DCAF17: variants seen among roughly 807,000 people sequenced by gnomAD.
DCAF17 encodes DDB1- and CUL4-associated factor 17.
Under a neutral mutation model 66.0 loss-of-function variants are expected in DCAF17, and 48 were observed. The observed-to-expected ratio is 0.73, with a 90% CI of 0.58 to 0.92. DCAF17 has a LOEUF of 0.92. Among genes scored for constraint, DCAF17 ranks in the 40% least tolerant of loss-of-function variants. DCAF17 has a pLI of 0.00. For missense variants in DCAF17, 562 were observed against 622.8 expected, an observed-to-expected ratio of 0.90 and a Z score of 1.04; for synonymous variants, 206 against 214.6, an observed-to-expected ratio of 0.96 and a Z score of 0.35.
At chr2:171,435,268 T>A in intron 2 of DCAF17, 82 bp downstream of exon 2, 1 of 1,036,274 alleles carries the variant, frequency 9.6e-7, no homozygotes. Context: ...CATGCCTACA[T>A]TAGTGCCTAG....
rs1417221206 is a variant in DCAF17 at position 171,482,672 on chromosome 2, T to G, written c.*1558T>G. On this transcript the variant is annotated 3_prime_UTR_variant, in exon 14 of 14. Transcript: ENST00000375255. ...AAGACTTCAGTCATGTCAGAGATTT[T>G]TTTTTTTAGGTGATTATTGAGTTTC... The G allele has an allele frequency of 2.2e-6, 1 of 453,824 alleles. No individual in the cohort carries two copies. Among genetic ancestry groups the G allele is most frequent in the South Asian group, 1.6e-5 (1 of 64,420 alleles). The allele number at this position is 453,824 out of a possible 1,614,324, so 28.1% of individuals were successfully genotyped here. A position where few individuals can be genotyped will look rare whatever the true frequency, so the allele number is the denominator to read the frequency against.
intron 2 of DCAF17, among the ~76,000 whole-genome samples, chr2:171,438,014 T>C (rs1383657369): frequency 6.6e-6 from 1 of 152,262 alleles, no homozygotes; most frequent in Non-Finnish European, 1.5e-5. Flanking sequence ...CCTTTTCCTC[T>C]AAGCATTGTT....
At position 171,481,262 on chromosome 2, in the gene DCAF17, A is replaced by G; in HGVS notation, c.*148A>G. 1.0e-6 allele frequency: 1 copy of G among 960,858 alleles called. No homozygotes were observed. The highest frequency in any genetic ancestry group is 2.6e-5 in the East Asian group (1 of 38,828). The allele number at this position is 960,858 out of a possible 1,614,324, so 59.5% of individuals were successfully genotyped here. A position where few individuals can be genotyped will look rare whatever the true frequency, so the allele number is the denominator to read the frequency against. On this transcript the variant is annotated 3_prime_UTR_variant, in exon 14 of 14. Transcript: ENST00000375255. ...TTCAGATGACTATGACTTCTTTTTT[A>G]AACTCTTGCTGTAAAAGATGGTGAG...
At chr2:171,449,515 A>C (rs1026915495) in intron 4 of DCAF17, among the ~76,000 whole-genome samples, 2 of 152,224 alleles carry the variant, frequency 1.3e-5, no homozygotes, top group Non-Finnish European at 2.9e-5. Flanking sequence ...TTTATAAATT[A>C]GATGTAAATG....
intron 3 of DCAF17, among the ~76,000 whole-genome samples, chr2:171,448,354 ATTG>A (rs541812629): frequency 6.6e-6 from 1 of 152,310 alleles, no homozygotes; most frequent in South Asian, 2.1e-4. Flanking sequence ...TATTGTTGTT[ATTG>A]TTATCACAGA....
intron 6 of DCAF17, among the ~76,000 whole-genome samples, chr2:171,456,674 T>G (rs932587707): frequency 6.6e-6 from 1 of 151,956 alleles, no homozygotes. Context: ...TCTTTGTAGA[T>G]CTCCTTGTAG....
At chr2:171,457,215 C>T (rs1695310174) in intron 6 of DCAF17, among the ~76,000 whole-genome samples, 1 of 152,172 alleles carries the variant, frequency 6.6e-6, no homozygotes, top group African/African-American at 2.4e-5. Flanking sequence ...TCTCTCTGTG[C>T]CTGTAGGTTA....
At position 171,484,582 on chromosome 2, in the gene DCAF17, A is replaced by T. The variant is rs1696875814; in HGVS notation, c.*3468A>T. On this transcript the variant is annotated 3_prime_UTR_variant, in exon 14 of 14. Coordinates refer to ENST00000375255, the MANE Select transcript of DCAF17 (RefSeq NM_025000.4). ...AGAGTTTAGTATTTATTTAGTTTTTAAATTTTTTTGATTTAAGATTTACCT... is the reference window on the plus strand; with the variant it reads ...AGAGTTTAGTATTTATTTAGTTTTTTAATTTTTTTGATTTAAGATTTACCT... 2.2e-6 allele frequency: 1 copy of T among 452,130 alleles called. No individual in the cohort carries two copies. The highest frequency in any genetic ancestry group is 1.6e-5 in the South Asian group (1 of 63,560). The allele number at this position is 452,130 out of a possible 1,614,324, so 28.0% of individuals were successfully genotyped here. A position where few individuals can be genotyped will look rare whatever the true frequency, so the allele number is the denominator to read the frequency against.
At position 171,481,122 on chromosome 2, in the gene DCAF17, G is replaced by A. The variant is rs1318557536; in HGVS notation, c.*8G>A. ...ATAAACAGAAGCTGTTAAAAAGAGT[G>A]AGATAATTGTAACCTAAGAGACTTT... On this transcript the variant is annotated 3_prime_UTR_variant, in exon 14 of 14. Transcript: ENST00000375255. The A allele has an allele frequency of 6.2e-7, 1 of 1,613,364 alleles. No homozygotes were observed. Among genetic ancestry groups the A allele is most frequent in the Non-Finnish European group, 8.5e-7 (1 of 1,179,422 alleles).
chr2:171,458,401 T>A lies in DCAF17; in HGVS notation c.762T>A (p.Cys254Ter). The change falls in exon 8 of 14, where the codon TGT becomes TGA. Residue 254 changes from cysteine (C) to a stop codon, truncating the protein, a stop_gained. Coordinates refer to ENST00000375255, the MANE Select transcript of DCAF17 (RefSeq NM_025000.4). LOFTEE classifies it high-confidence loss of function. ...QFMQQKLDLG[C>*]ACRWGGTTGT... is the part of the protein sequence containing the mutation. Reference sequence around the variant, plus strand: ...TGCAACAGAAACTTGACTTAGGGTGTGCATGCAGATGGGGTGGGACTACTG... The same window carrying A: ...TGCAACAGAAACTTGACTTAGGGTGAGCATGCAGATGGGGTGGGACTACTG... 1 of 1,614,106 alleles carries A rather than the reference T, an allele frequency of 6.2e-7. No individual in the cohort carries two copies. The highest frequency in any genetic ancestry group is 8.5e-7 in the Non-Finnish European group (1 of 1,179,970).
rs1235902967 is a variant in DCAF17, at chr2:171,473,977, T to C, written c.1091+2T>C. On this transcript the variant is annotated splice_donor_variant, in intron 10 of 13. Coordinates refer to ENST00000375255, the MANE Select transcript of DCAF17 (RefSeq NM_025000.4). LOFTEE classifies it high-confidence loss of function. ...ACATGTTGGTCCAAATCAAGTCAAGTGAGTAATCTCATTAGCACTTGAAAG... is the reference window on the plus strand; with the variant it reads ...ACATGTTGGTCCAAATCAAGTCAAGCGAGTAATCTCATTAGCACTTGAAAG... 1.9e-6 allele frequency: 3 copies of C among 1,610,148 alleles called. No individual in the cohort carries two copies. Among genetic ancestry groups the C allele is most frequent in the Admixed American group, 1.7e-5 (1 of 59,934 alleles).
intron 12 of DCAF17, among the ~76,000 whole-genome samples, chr2:171,479,192 A>C (rs1424818097): frequency 1.3e-5 from 2 of 152,196 alleles, no homozygotes; most frequent in African/African-American, 4.8e-5. Context: ...AAGGCAGAAA[A>C]TGTCAGTGGA....
intron 9 of DCAF17, among the ~76,000 whole-genome samples, chr2:171,469,607 A>C: frequency 6.6e-6 from 1 of 152,188 alleles, no homozygotes; most frequent in African/African-American, 2.4e-5. Flanking sequence ...TTGATTTGTC[A>C]TTTAATAAAC....
chr2:171,463,081 A>G (rs1695680856), intron 8 of DCAF17, among the ~76,000 whole-genome samples: 10 of 152,086 alleles, frequency 6.6e-5, no homozygotes, highest in Admixed American at 6.6e-4. Flanking sequence ...AAATACAAAA[A>G]TTAGTCAGGT....
intron 6 of DCAF17, 44 bp downstream of exon 6, chr2:171,453,257 T>G: frequency 7.4e-7 from 1 of 1,351,950 alleles, no homozygotes; most frequent in African/African-American, 1.4e-5. Context: ...TTATTGACAA[T>G]AAGTTGTAAT....
intron 8 of DCAF17, among the ~76,000 whole-genome samples, chr2:171,463,606 A>G (rs1695727129): frequency 6.6e-6 from 1 of 152,222 alleles, no homozygotes; most frequent in South Asian, 2.1e-4. Flanking sequence ...CTTGACCTAT[A>G]TGCCATTTTA....
At chr2:171,473,775 T>G in intron 9 of DCAF17, 91 bp from the exon 10 acceptor site, 3 of 1,008,732 alleles carry the variant, frequency 3.0e-6, no homozygotes. Flanking sequence ...TCCGTGTACC[T>G]TTGACCTACT....
At chr2:171,460,492 A>G (rs1695518970) in intron 8 of DCAF17, among the ~76,000 whole-genome samples, 1 of 150,324 alleles carries the variant, frequency 6.7e-6, no homozygotes, top group Non-Finnish European at 1.5e-5. Context: ...CTCTGCTACT[A>G]ATTGGTGGTA....
rs76205813 is a variant in DCAF17 at position 171,468,763 on chromosome 2, A to T, written c.839-125A>T. 3 of 1,283,036 alleles carry T rather than the reference A, an allele frequency of 2.3e-6. No individual in the cohort carries two copies. In the African/African-American group the frequency reaches 4.4e-5, roughly 19 times the overall value. 79.5% of individuals were successfully genotyped at this position (1,283,036 alleles called of 1,614,324 possible). A position where few individuals can be genotyped will look rare whatever the true frequency, so the allele number is the denominator to read the frequency against. The stretch of plus-strand genomic sequence containing the variant: ...CTGATTGTATTTTATTTCCTTGAAC[A>T]TAGTAATTTTTCATTAATAGAAATT... On this transcript the variant is annotated intron_variant, in intron 8 of 13. Transcript: ENST00000375255.
Sources: allele counts gnomAD v4.1 joint callset (sites outside exome capture counted in the v4.1 genomes callset), GRCh38; gene constraint gnomAD v4.1.1; transcripts MANE v1.5; gene names NCBI Gene and HGNC (gene_info 2026-07-23, HGNC 2026-07-21).